BPIFC: variants seen among roughly 807,000 people sequenced by gnomAD.
BPIFC encodes the protein BPI fold containing family C, also known as BPI fold-containing family C protein.
In BPIFC, 60 loss-of-function variants were observed where a neutral mutation model predicts 57.6. The ratio of observed to expected loss-of-function variants is 1.04; its 90% CI spans 0.85 to 1.29. The LOEUF (loss-of-function observed/expected upper bound fraction) is 1.29. Among genes scored for constraint, BPIFC ranks in the 50% most tolerant of loss-of-function variants. The pLI is 0.00. For synonymous variants in BPIFC, 243 were observed against 224.5 expected (o/e 1.08, Z -0.74); for missense variants, 581 against 600.5 (o/e 0.97, Z 0.34).
Position 32,447,275 on chromosome 22 carries a change from T to G in BPIFC, c.311A>C (p.Lys104Thr). The stretch of plus-strand genomic sequence containing the variant: ...GGCAGTGCCATGGTTGGTTAGCGCT[T>G]TGATTCCCACTCCAGGCACAAAAGC... ...SLAFVPGVGI[K>T]ALTNHGTANI... The change falls in exon 5 of 17, where the codon AAA becomes ACA. Residue 104 changes from lysine to threonine, a missense_variant. Coordinates refer to ENST00000300399, the MANE Select transcript of BPIFC (RefSeq NM_174932.3). The G allele has an allele frequency of 6.2e-7, 1 of 1,614,116 alleles. No individual in the cohort carries two copies. Among genetic ancestry groups the G allele is most frequent in the Non-Finnish European group, 8.5e-7 (1 of 1,179,996 alleles).
chr22:32,462,198 GAA>G (rs1157717599), intron 1 of BPIFC, among the ~76,000 whole-genome samples: 2 of 119,078 alleles, frequency 1.7e-5, no homozygotes, highest in East Asian at 2.4e-4. Context: ...AAAGAAAAAA[GAA>G]AAAAAAGAAA....
chr22:32,443,429 C>T (rs1395587393), intron 7 of BPIFC, among the ~76,000 whole-genome samples: 2 of 152,190 alleles, frequency 1.3e-5, no homozygotes, highest in African/African-American at 4.8e-5. Context: ...TCCCAAAGTG[C>T]TGGGATTACA....
intron 16 of BPIFC, 40 bp from the exon 17 acceptor site, chr22:32,414,465 G>A: frequency 2.5e-6 from 4 of 1,607,140 alleles, no homozygotes; most frequent in Non-Finnish European, 3.4e-6. Flanking sequence ...TCAAAACTTG[G>A]GCATGTCTGG....
chr22:32,440,408 C>A (rs934464955), intron 8 of BPIFC, among the ~76,000 whole-genome samples: 2 of 152,188 alleles, frequency 1.3e-5, no homozygotes, highest in Admixed American at 6.5e-5. Flanking sequence ...TCCCAAAGTG[C>A]TAGGATTACA....
At chr22:32,459,523 T>C (rs1040558724) in intron 2 of BPIFC, among the ~76,000 whole-genome samples, 10 of 151,566 alleles carry the variant, frequency 6.6e-5, no homozygotes, top group Admixed American at 2.6e-4. Flanking sequence ...ATTAGCTGGG[T>C]GTGGTGGCGG....
chr22:32,445,853 G>GA lies in BPIFC; in HGVS notation c.517dup (p.Ser173PhefsTer9). On this transcript the variant is annotated frameshift_variant, in exon 6 of 17. Coordinates refer to ENST00000300399, the MANE Select transcript of BPIFC (RefSeq NM_174932.3). LOFTEE classifies it high-confidence loss of function. ...GGCTCTCATTCACCTGAGTTCTCCGGAAAATGAGACGTGGGCATGGCTCAG... is the reference window on the plus strand; with the variant it reads ...GGCTCTCATTCACCTGAGTTCTCCGGAAAAATGAGACGTGGGCATGGCTCAG... The GA allele has an allele frequency of 6.2e-7, 1 of 1,614,000 alleles. No individual in the cohort carries two copies. Among genetic ancestry groups the GA allele is most frequent in the Non-Finnish European group, 8.5e-7 (1 of 1,180,002 alleles).
chr22:32,449,969 T>G (rs1233017697), intron 4 of BPIFC, among the ~76,000 whole-genome samples: 1 of 151,732 alleles, frequency 6.6e-6, no homozygotes, highest in African/African-American at 2.4e-5. Context: ...CTCCTGACCT[T>G]CTGATCCACC....
chr22:32,416,079 CTTTT>C (rs386395239), intron 15 of BPIFC, 88 bp from the exon 16 acceptor site: 807 of 432,742 alleles, frequency 1.9e-3, no homozygotes, highest in Non-Finnish European at 2.2e-3. Context: ...TGACAGCTTG[CTTTT>C]TTTTTTTTTT....
intron 2 of BPIFC, among the ~76,000 whole-genome samples, chr22:32,460,690 C>T (rs1935141739): frequency 6.6e-6 from 1 of 152,206 alleles, no homozygotes; most frequent in African/African-American, 2.4e-5. Context: ...TTTAAAGCAC[C>T]ATCTTCTTTC....
Position 32,443,670 on chromosome 22 carries a change from C to T in BPIFC, c.595-939G>A, listed in dbSNP as rs565549512. On this transcript the variant is annotated intron_variant, in intron 7 of 16. Coordinates refer to ENST00000300399, the MANE Select transcript of BPIFC (RefSeq NM_174932.3). The stretch of plus-strand genomic sequence containing the variant: ...TGTGCTTGGCATAGTGGGTACAGCA[C>T]AGGCTTGGCTGCCTGGGGCCGAGGG... 1.6e-3 allele frequency among the ~76,000 whole-genome samples: 244 copies of T among 152,332 alleles called. 1 individual carries two copies. The highest frequency in any genetic ancestry group is 5.6e-3 in the African/African-American group (231 of 41,574).
At chr22:32,437,608 C>G in intron 9 of BPIFC, 152 bp downstream of exon 9, 1 of 546,456 alleles carries the variant, frequency 1.8e-6, no homozygotes, top group Non-Finnish European at 3.2e-6. Context: ...CCAGCCTGGT[C>G]TCAAACTCCT....
rs181634264 is a variant in BPIFC, at chr22:32,450,575, T to C, written c.245+2808A>G. Among the ~76,000 whole-genome samples, 200 of 152,184 alleles carry C rather than the reference T, an allele frequency of 1.3e-3. 2 individuals carry two copies. The highest frequency in any genetic ancestry group is 5.9e-4 in the Non-Finnish European group (40 of 68,008). ...CATTGTCATATGAATATGTAACCAA[T>C]ATAAAAATTACTAATGAGATATTTT... On this transcript the variant is annotated intron_variant, in intron 4 of 16. Coordinates refer to ENST00000300399, the MANE Select transcript of BPIFC (RefSeq NM_174932.3).
chr22:32,463,107 C>A (rs1179737662), intron 1 of BPIFC, among the ~76,000 whole-genome samples: 1 of 152,166 alleles, frequency 6.6e-6, no homozygotes, highest in African/African-American at 2.4e-5. Flanking sequence ...GGCAGGAAAA[C>A]ATATTTTTCC....
chr22:32,453,242 A>C lies in BPIFC; in HGVS notation c.245+141T>G, dbSNP rs529913631. The C allele has an allele frequency of 2.1e-5, 12 of 576,864 alleles. No homozygotes were observed. The East Asian group carries it at 2.4e-4, about 11-fold the overall frequency. The allele number at this position is 576,864 out of a possible 1,614,324, so 35.7% of individuals were successfully genotyped here. On this transcript the variant is annotated intron_variant, in intron 4 of 16. Transcript: ENST00000300399. ...ATTGAGCCATGAGGCAAACTTGAGA[A>C]TAGAAACCAGAGCTAAGGACAGCAG...
At chr22:32,457,128 T>C (rs1171734024) in intron 3 of BPIFC, 135 bp downstream of exon 3, 4 of 1,018,656 alleles carry the variant, frequency 3.9e-6, no homozygotes, top group Non-Finnish European at 5.5e-6. Context: ...TAGCAGTTTC[T>C]GCATAAGGTA....
In BPIFC at chr22:32,461,624, T is replaced by C. The variant is rs1397769034; in HGVS notation, c.-51A>G. 31 of 985,468 alleles carry C rather than the reference T, an allele frequency of 3.1e-5. No homozygotes were observed. Among genetic ancestry groups the C allele is most frequent in the Non-Finnish European group, 3.7e-5 (31 of 830,080 alleles). 61.0% of individuals were successfully genotyped at this position (985,468 alleles called of 1,614,324 possible). A position where few individuals can be genotyped will look rare whatever the true frequency, so the allele number is the denominator to read the frequency against. On this transcript the variant is annotated 5_prime_UTR_variant, in exon 2 of 17. Coordinates refer to ENST00000300399, the MANE Select transcript of BPIFC (RefSeq NM_174932.3). The stretch of plus-strand genomic sequence containing the variant: ...ATCTTCTGCTGTGCTGGGCCTTTCT[T>C]GATCCTTTAGTTGCCCTTGGAGGTT...
At chr22:32,438,273 G>A (rs901062184) in intron 8 of BPIFC, among the ~76,000 whole-genome samples, 3 of 152,148 alleles carry the variant, frequency 2.0e-5, no homozygotes, top group African/African-American at 7.2e-5. Context: ...TTTAAACCAC[G>A]GTTGACCACG....
chr22:32,458,397 C>T (rs1322190426), intron 2 of BPIFC, among the ~76,000 whole-genome samples: 2 of 152,224 alleles, frequency 1.3e-5, no homozygotes, highest in Non-Finnish European at 2.9e-5. Flanking sequence ...TCTTTCCTAG[C>T]CACTCAATGC....
At chr22:32,424,631 TTCTTCTTCTTC>T (rs1569447895) in intron 13 of BPIFC, among the ~76,000 whole-genome samples, 150 of 41,632 alleles carry the variant, frequency 3.6e-3, no homozygotes, top group African/African-American at 5.0e-3. Context: ...CCTCCTCCTC[TTCTTCTTCTTC>T]TCTTCTTCTT....
Sources: allele counts gnomAD v4.1 joint callset (sites outside exome capture counted in the v4.1 genomes callset), GRCh38; gene constraint gnomAD v4.1.1; transcripts MANE v1.5; gene names NCBI Gene and HGNC (gene_info 2026-07-23, HGNC 2026-07-21).